SGCZ: variants seen among roughly 807,000 people sequenced by gnomAD.
SGCZ encodes zeta-sarcoglycan.
In SGCZ, 40 loss-of-function variants were observed where a neutral mutation model predicts 41.3. That is an observed-to-expected ratio of 0.97 (90% confidence interval 0.75 to 1.26). The LOEUF (loss-of-function observed/expected upper bound fraction) is 1.26, where lower values mean the gene tolerates loss of function less well. Ranked by LOEUF, SGCZ falls within the 50% of genes most tolerant of loss-of-function variation. The pLI is 0.00. For missense variants in SGCZ, 552 were observed against 369.8 expected, an observed-to-expected ratio of 1.49 and a Z score of -4.04; for synonymous variants, 206 against 137.5, an observed-to-expected ratio of 1.50 and a Z score of -3.49.
intron 1 of SGCZ, among the ~76,000 whole-genome samples, chr8:14,955,419 T>C (rs1174790367): frequency 6.6e-6 from 1 of 152,222 alleles, no homozygotes; most frequent in East Asian, 1.9e-4. Flanking sequence ...TGTGCCTCTT[T>C]CCTAGTGCCT....
At chr8:14,347,161 A>T (rs1316369195) in intron 2 of SGCZ, among the ~76,000 whole-genome samples, 1 of 152,048 alleles carries the variant, frequency 6.6e-6, no homozygotes, top group African/African-American at 2.4e-5. Context: ...TATGAGAAAA[A>T]CTACTCATTT....
intron 1 of SGCZ, among the ~76,000 whole-genome samples, chr8:15,081,838 G>A (rs1051018324): frequency 1.3e-5 from 2 of 152,128 alleles, no homozygotes; most frequent in East Asian, 1.9e-4. Flanking sequence ...GAGATACAAA[G>A]GAACAGATCA....
At chr8:15,109,553 AG>A (rs1471730438) in intron 1 of SGCZ, among the ~76,000 whole-genome samples, 2 of 152,202 alleles carry the variant, frequency 1.3e-5, no homozygotes, top group Non-Finnish European at 2.9e-5. Flanking sequence ...ATAACATTAC[AG>A]GATGTCTGTA....
intron 1 of SGCZ, among the ~76,000 whole-genome samples, chr8:14,577,255 G>A (rs910401179): frequency 2.6e-5 from 4 of 151,606 alleles, no homozygotes; most frequent in Non-Finnish European, 5.9e-5. Context: ...ACTTACTGCT[G>A]TTTTTCTGCT....
At chr8:14,294,145 A>T (rs1361196507) in intron 3 of SGCZ, among the ~76,000 whole-genome samples, 1 of 151,924 alleles carries the variant, frequency 6.6e-6, no homozygotes, top group Non-Finnish European at 1.5e-5. Context: ...AGAATTTCTG[A>T]GAAACATGTT....
intron 1 of SGCZ, among the ~76,000 whole-genome samples, chr8:14,754,382 G>A (rs986479574): frequency 6.6e-6 from 1 of 152,046 alleles, no homozygotes; most frequent in Non-Finnish European, 1.5e-5. Flanking sequence ...TTCCATAGTA[G>A]ATACTACACT....
At chr8:14,990,081 CCAAAATCA>C (rs1265668748) in intron 1 of SGCZ, among the ~76,000 whole-genome samples, 1 of 152,092 alleles carries the variant, frequency 6.6e-6, no homozygotes, top group Non-Finnish European at 1.5e-5. Flanking sequence ...CAGTGCTAAC[CCAAAATCA>C]TGGTCAAACG....
At position 14,164,552 on chromosome 8, in the gene SGCZ, A is replaced by C. The variant is rs780957695; in HGVS notation, c.547+28T>G. ...TTGTATATTCTTTAAAGAAGTAAAC[A>C]ATTTTTCAAGACCTCCATCTACAGT... On this transcript the variant is annotated intron_variant, in intron 5 of 7. Coordinates refer to ENST00000382080, the MANE Select transcript of SGCZ (RefSeq NM_139167.4). 16 of 1,612,044 alleles carry C rather than the reference A, an allele frequency of 9.9e-6. No homozygotes were observed. The East Asian group carries it at 1.3e-4, about 13-fold the overall frequency.
At chr8:14,686,139 A>G (rs1808603263) in intron 1 of SGCZ, among the ~76,000 whole-genome samples, 1 of 152,116 alleles carries the variant, frequency 6.6e-6, no homozygotes, top group Non-Finnish European at 1.5e-5. Context: ...CATCTGAGCA[A>G]TTTATATAGA....
intron 2 of SGCZ, among the ~76,000 whole-genome samples, chr8:14,464,679 A>G (rs558506382): frequency 6.6e-6 from 1 of 151,516 alleles, no homozygotes; most frequent in African/African-American, 2.4e-5. Flanking sequence ...TTTAAGTTAT[A>G]AAGTTTGTTT....
At chr8:15,177,064 A>G (rs1191324917) in intron 1 of SGCZ, among the ~76,000 whole-genome samples, 1 of 152,208 alleles carries the variant, frequency 6.6e-6, no homozygotes, top group Non-Finnish European at 1.5e-5. Flanking sequence ...ACACTTTTTT[A>G]ATGTGTGAGC....
intron 2 of SGCZ, among the ~76,000 whole-genome samples, chr8:14,508,886 G>T (rs566721826): frequency 6.6e-6 from 1 of 152,070 alleles, no homozygotes; most frequent in African/African-American, 2.4e-5. Context: ...GTGAAATTAG[G>T]ATTAACTAAA....
chr8:14,947,185 G>A (rs888378710), intron 1 of SGCZ, among the ~76,000 whole-genome samples: 4 of 152,122 alleles, frequency 2.6e-5, no homozygotes, highest in African/African-American at 9.7e-5. Flanking sequence ...AGGACAAGCT[G>A]TTCCTGCCGT....
chr8:14,196,023 A>G (rs1400397347), intron 4 of SGCZ, among the ~76,000 whole-genome samples: 2 of 152,138 alleles, frequency 1.3e-5, no homozygotes, highest in African/African-American at 4.8e-5. Flanking sequence ...CTATTTAAAA[A>G]TGACAGTTTA....
At chr8:14,622,178 T>C (rs538912795) in intron 1 of SGCZ, among the ~76,000 whole-genome samples, 1 of 152,088 alleles carries the variant, frequency 6.6e-6, no homozygotes, top group Non-Finnish European at 1.5e-5. Flanking sequence ...ATTGATTAAT[T>C]GATGAATTTG....
At chr8:14,149,340 C>A (rs907706473) in intron 5 of SGCZ, among the ~76,000 whole-genome samples, 1 of 151,986 alleles carries the variant, frequency 6.6e-6, no homozygotes, top group East Asian at 1.9e-4. Flanking sequence ...TTGCAGGACA[C>A]AAAATCAACA....
intron 2 of SGCZ, among the ~76,000 whole-genome samples, chr8:14,448,037 T>C (rs981938788): frequency 6.6e-6 from 1 of 152,002 alleles, no homozygotes; most frequent in Non-Finnish European, 1.5e-5. Context: ...GGTGAAAAAA[T>C]GATACAAATA....
At chr8:14,723,232 G>A (rs1291378825) in intron 1 of SGCZ, among the ~76,000 whole-genome samples, 3 of 152,204 alleles carry the variant, frequency 2.0e-5, no homozygotes, top group Non-Finnish European at 4.4e-5. Flanking sequence ...AATGCAGAAT[G>A]TGAATGGAGA....
rs1417232102 is a variant in SGCZ at position 14,822,859 on chromosome 8, G to C, written c.40-267933C>G. Among the ~76,000 whole-genome samples the C allele has an allele frequency of 4.6e-5, 7 of 152,100 alleles. No individual in the cohort carries two copies. In the East Asian group the frequency reaches 9.7e-4, roughly 21 times the overall value. ...AAGGCTTCAGCGCAGCTCGTGACCA[G>C]CGTGTGCAACATTGTGAAATCCCAT... On this transcript the variant is annotated intron_variant, in intron 1 of 7. Coordinates refer to ENST00000382080, the MANE Select transcript of SGCZ (RefSeq NM_139167.4).
Sources: gnomAD v4.1 joint callset for allele counts (sites outside exome capture counted in the v4.1 genomes callset) on GRCh38, gnomAD v4.1.1 for gene constraint, MANE v1.5 for transcripts, NCBI Gene and HGNC (gene_info 2026-07-23, HGNC 2026-07-21) for gene names.